The following LUZP2 variants were observed in gnomAD, a reference collection of about 807,000 sequenced individuals.
The protein encoded by LUZP2 is leucine zipper protein 2.
A neutral mutation model predicts 51.6 loss-of-function variants in LUZP2; 52 were observed. The observed-to-expected ratio is 1.01, with a 90% CI of 0.81 to 1.27. LUZP2 has a LOEUF of 1.27. LUZP2 is among the 50% of genes most tolerant of loss of function. The pLI, the probability that LUZP2 is intolerant of heterozygous loss-of-function variation, is 0.00. For synonymous variants in LUZP2, 154 were observed against 137.3 expected, an observed-to-expected ratio of 1.12 and a Z score of -0.85; for missense variants, 436 against 395.4, an observed-to-expected ratio of 1.10 and a Z score of -0.87.
chr11:24,955,513 A>C (rs1013837895), intron 7 of LUZP2, among the ~76,000 whole-genome samples: 1 of 152,048 alleles, frequency 6.6e-6, no homozygotes, highest in African/African-American at 2.4e-5. Flanking sequence ...CATGGAATGA[A>C]AAATATAATA....
intron 5 of LUZP2, among the ~76,000 whole-genome samples, chr11:24,826,329 T>C (rs940134574): frequency 6.6e-6 from 1 of 150,900 alleles, no homozygotes; most frequent in South Asian, 2.1e-4. Context: ...GATATGGTAG[T>C]TGTGTCTCTG....
chr11:24,741,937 A>AAATATATACATTTATATATTATATAT (rs1565110957), intron 4 of LUZP2, among the ~76,000 whole-genome samples: 5 of 13,008 alleles, frequency 3.8e-4, no homozygotes, highest in African/African-American at 6.9e-4. Flanking sequence ...TATTATATAT[A>AAATATATACATTTATATATTATATAT]AATATATACA....
At chr11:24,701,647 T>C (rs1001688446) in intron 1 of LUZP2, 1 of 152,468 alleles carries the variant, frequency 6.6e-6, no homozygotes, top group African/African-American at 2.4e-5. Context: ...TTTTATCAAC[T>C]ATTTTATAAA....
chr11:24,951,833 G>T (rs971150085), intron 7 of LUZP2, among the ~76,000 whole-genome samples: 2 of 151,490 alleles, frequency 1.3e-5, no homozygotes, highest in Admixed American at 1.3e-4. Context: ...CACCATCCTT[G>T]ATCATAGCAC....
chr11:24,512,339 T>TA (rs1050425951), intron 1 of LUZP2, among the ~76,000 whole-genome samples: 33 of 56,034 alleles, frequency 5.9e-4, no homozygotes, highest in African/African-American at 2.0e-3. Flanking sequence ...CAAACCTTCA[T>TA]TTTTTTATAA....
chr11:24,724,008 G>T (rs1858376574), intron 1 of LUZP2, among the ~76,000 whole-genome samples: 1 of 152,080 alleles, frequency 6.6e-6, no homozygotes, highest in Non-Finnish European at 1.5e-5. Flanking sequence ...AGTCACAGAA[G>T]TCTGAATATT....
At chr11:24,651,131 T>C (rs955398516) in intron 1 of LUZP2, among the ~76,000 whole-genome samples, 1 of 152,136 alleles carries the variant, frequency 6.6e-6, no homozygotes, top group African/African-American at 2.4e-5. Context: ...AGGTGGATTT[T>C]GCTTCATTTA....
intron 1 of LUZP2, among the ~76,000 whole-genome samples, chr11:24,620,846 T>G (rs4338527): frequency 0.18 from 27,759 of 152,080 alleles, 2,827 homozygotes; most frequent in African/African-American, 0.27. Flanking sequence ...TACCAGTCAT[T>G]TCACATAAAT....
chr11:24,500,514 G>A lies in LUZP2; in HGVS notation c.62+3209G>A, dbSNP rs945679889. Among the ~76,000 whole-genome samples, 6 of 152,302 alleles carry A rather than the reference G, an allele frequency of 3.9e-5. No homozygotes were observed. The East Asian group carries it at 1.2e-3, about 29-fold the overall frequency. On this transcript the variant is annotated intron_variant, in intron 1 of 11. Transcript: ENST00000336930. ...GGTAGGCAGTAATTCACTTCAGAAA[G>A]AAGCAGTATAGGTATTGAAAGTAAT... is the stretch of plus-strand genomic sequence containing the variant.
chr11:25,003,746 C>T (rs532552231), intron 9 of LUZP2, among the ~76,000 whole-genome samples: 64 of 152,226 alleles, frequency 4.2e-4, no homozygotes, highest in East Asian at 7.8e-4. Context: ...GTCTTTCCAA[C>T]GCCCAGACTT....
At chr11:24,968,940 G>A (rs981493213) in intron 7 of LUZP2, among the ~76,000 whole-genome samples, 1 of 152,176 alleles carries the variant, frequency 6.6e-6, no homozygotes, top group African/African-American at 2.4e-5. Context: ...TAGGAGGAGG[G>A]CTAGTCCAAT....
At chr11:24,709,851 C>T (rs546661047) in intron 1 of LUZP2, among the ~76,000 whole-genome samples, 92 of 152,214 alleles carry the variant, frequency 6.0e-4, no homozygotes, top group African/African-American at 2.1e-3. Context: ...TTCTGTTCAC[C>T]AGCAGTGAGT....
At chr11:24,969,668 A>G (rs942389655) in intron 7 of LUZP2, among the ~76,000 whole-genome samples, 1 of 151,922 alleles carries the variant, frequency 6.6e-6, no homozygotes, top group Non-Finnish European at 1.5e-5. Flanking sequence ...AAAGTCATTT[A>G]AGTGCCTAAA....
intron 9 of LUZP2, among the ~76,000 whole-genome samples, chr11:24,988,838 T>G (rs2133922779): frequency 6.6e-6 from 1 of 152,126 alleles, no homozygotes; most frequent in South Asian, 2.1e-4. Flanking sequence ...GGACAATATC[T>G]TTTTTACATT....
At chr11:25,026,889 T>C (rs986931069) in intron 9 of LUZP2, among the ~76,000 whole-genome samples, 7 of 119,734 alleles carry the variant, frequency 5.8e-5, no homozygotes, top group African/African-American at 1.8e-4. Flanking sequence ...TTTCTTTCTT[T>C]ATTTATTTTT....
At chr11:25,002,469 G>A (rs748814831) in intron 9 of LUZP2, among the ~76,000 whole-genome samples, 1 of 152,178 alleles carries the variant, frequency 6.6e-6, no homozygotes, top group South Asian at 2.1e-4. Flanking sequence ...TCAAGGAATA[G>A]CACCTGGTAT....
intron 9 of LUZP2, among the ~76,000 whole-genome samples, chr11:25,007,296 A>G (rs576842431): frequency 7.9e-5 from 12 of 152,318 alleles, no homozygotes; most frequent in Admixed American, 2.0e-4. Context: ...CTGAAATCCT[A>G]TAAAAGTTGT....
chr11:24,985,035 CCTT>C (rs1255513138), intron 9 of LUZP2, among the ~76,000 whole-genome samples: 1 of 151,148 alleles, frequency 6.6e-6, no homozygotes, highest in Non-Finnish European at 1.5e-5. Flanking sequence ...TGTGGTATAC[CCTT>C]CTTCTTCTTA....
intron 4 of LUZP2, among the ~76,000 whole-genome samples, chr11:24,746,313 CT>C (rs1859378107): frequency 6.6e-6 from 1 of 152,144 alleles, no homozygotes; most frequent in African/African-American, 2.4e-5. Context: ...ATATATGATG[CT>C]TACTTTCACT....
Sources: allele counts gnomAD v4.1 joint callset (sites outside exome capture counted in the v4.1 genomes callset), GRCh38; gene constraint gnomAD v4.1.1; transcripts MANE v1.5; gene names NCBI Gene and HGNC (gene_info 2026-07-23, HGNC 2026-07-21).